Variants in WNT5A observed in about 807,000 individuals in gnomAD.
The protein encoded by WNT5A is Wnt family member 5A.
A neutral mutation model predicts 42.1 loss-of-function variants in WNT5A; 9 were observed. The observed-to-expected ratio is 0.21, with a 90% CI of 0.13 to 0.37. The LOEUF (loss-of-function observed/expected upper bound fraction) is 0.37. Ranked by LOEUF, WNT5A falls within the 10% of genes least tolerant of loss-of-function variation. WNT5A has a pLI of 1.00. For synonymous variants in WNT5A, 210 were observed against 210.0 expected (o/e 1.00, Z 0.00); for missense variants, 426 against 534.0 (o/e 0.80, Z 1.99).
intron 3 of WNT5A, chr3:55,478,900 A>G (rs1487382051): frequency 1.3e-5 from 2 of 154,120 alleles, no homozygotes; most frequent in East Asian, 3.8e-4. Context: ...AAAGACGGCA[A>G]CTTTTAGTTC....
Position 55,483,875 on chromosome 3 carries a change from T to C in WNT5A, c.7-2957A>G, listed in dbSNP as rs1365298400. Among the ~76,000 whole-genome samples, 1 of 152,032 alleles carries C rather than the reference T, an allele frequency of 6.6e-6. No individual in the cohort carries two copies. Among genetic ancestry groups the C allele is most frequent in the Non-Finnish European group, 1.5e-5 (1 of 68,006 alleles). On this transcript the variant is annotated intron_variant, in intron 1 of 4. Coordinates refer to ENST00000264634, the MANE Select transcript of WNT5A (RefSeq NM_003392.7). This position sits in a 1 kb window ranked among gnomAD's most constrained non-coding sequence, Gnocchi z 4.2. The stretch of plus-strand genomic sequence containing the variant: ...GGAGAGGAAACCTCAGTAGCAAAAT[T>C]GTTCAGAGGACGTTCGGAGGGCGCG...
Position 55,483,641 on chromosome 3 carries a change from G to A in WNT5A, c.7-2723C>T, listed in dbSNP as rs1001039130. ...ACTGAGAATCTTCCTCGCGTGCCAC[G>A]GGGAGGAGGACTGGGGGCGTTTGAG... is the stretch of plus-strand genomic sequence containing the variant. On this transcript the variant is annotated intron_variant, in intron 1 of 4. Coordinates refer to ENST00000264634, the MANE Select transcript of WNT5A (RefSeq NM_003392.7). The surrounding 1 kb of genome is among the most constrained non-coding windows in gnomAD (Gnocchi z 4.2). Among the ~76,000 whole-genome samples, 4 of 152,204 alleles carry A rather than the reference G, an allele frequency of 2.6e-5. No individual in the cohort carries two copies. Among genetic ancestry groups the A allele is most frequent in the African/African-American group, 7.2e-5 (3 of 41,450 alleles).
chr3:55,486,285 C>A (rs1310087650), intron 1 of WNT5A, among the ~76,000 whole-genome samples: 1 of 152,224 alleles, frequency 6.6e-6, no homozygotes, highest in Non-Finnish European at 1.5e-5. Context: ...CCCACCACTG[C>A]TGCAAAGTGC....
chr3:55,471,270 G>A (rs1020904381), intron 4 of WNT5A, among the ~76,000 whole-genome samples: 3 of 152,200 alleles, frequency 2.0e-5, no homozygotes, highest in Admixed American at 2.0e-4. Flanking sequence ...GGCCTGCACA[G>A]GTCACACAGC....
In WNT5A at chr3:55,481,313, C is replaced by G. The variant is rs375501319; in HGVS notation, c.7-395G>C. ...CACTCAGGAACCCGCTGCGGCCACC[C>G]TCCGTCCTCTCCCCAACCTGGGCCG... On this transcript the variant is annotated intron_variant, in intron 1 of 4. Coordinates refer to ENST00000264634, the MANE Select transcript of WNT5A (RefSeq NM_003392.7). 361 of 989,398 alleles carry G rather than the reference C, an allele frequency of 3.6e-4. No individual in the cohort carries two copies. The African/African-American group carries it at 5.9e-3, about 16-fold the overall frequency. 61.3% of individuals were successfully genotyped at this position (989,398 alleles called of 1,614,324 possible). A position where few individuals can be genotyped will look rare whatever the true frequency, so the allele number is the denominator to read the frequency against.
rs189529224 is a variant in WNT5A at position 55,467,136 on chromosome 3, A to G, written c.*2956T>C. On this transcript the variant is annotated 3_prime_UTR_variant, in exon 5 of 5. Coordinates refer to ENST00000264634, the MANE Select transcript of WNT5A (RefSeq NM_003392.7). ...TTCAAAGGGCATAGAGACACCACAC[A>G]TGGTCCACAGTAAATTCAAATAGAG... 1 of 152,240 alleles carries G rather than the reference A, an allele frequency of 6.6e-6. No homozygotes were observed. Among genetic ancestry groups the G allele is most frequent in the African/African-American group, 2.4e-5 (1 of 41,466 alleles). 9.4% of individuals were successfully genotyped at this position (152,240 alleles called of 1,614,324 possible).
upstream of WNT5A, among the ~76,000 whole-genome samples, chr3:55,488,790 G>C (rs1419218638): frequency 1.3e-5 from 2 of 152,200 alleles, no homozygotes; most frequent in African/African-American, 2.4e-5. Flanking sequence ...CCCTTGGCTC[G>C]CCCGCGTATC....
chr3:55,478,656 C>T (rs1178984664), intron 3 of WNT5A, among the ~76,000 whole-genome samples: 1 of 151,954 alleles, frequency 6.6e-6, no homozygotes, highest in African/African-American at 2.4e-5. Context: ...AATGAAGAAT[C>T]GGACTGTGAG....
rs1166946287 is a variant in WNT5A at position 55,467,342 on chromosome 3, C to A, written c.*2750G>T. The A allele has an allele frequency of 6.7e-6, 1 of 149,866 alleles. No individual in the cohort carries two copies. Among genetic ancestry groups the A allele is most frequent in the Non-Finnish European group, 1.5e-5 (1 of 67,676 alleles). The allele number at this position is 149,866 out of a possible 1,614,324, so 9.3% of individuals were successfully genotyped here. ...AGAATGTGAGCAATCCTATAACCAG[C>A]TTTAAGCCATCTGCTTGATTTCTTT... On this transcript the variant is annotated 3_prime_UTR_variant, in exon 5 of 5. Coordinates refer to ENST00000264634, the MANE Select transcript of WNT5A (RefSeq NM_003392.7).
At position 55,479,486 on chromosome 3, in the gene WNT5A, T is replaced by C. The variant is rs779236380; in HGVS notation, c.219A>G (p.Ala73=). Reference sequence around the variant, plus strand: ...GTTTCTTCTGTCCTTGAGAAAGTCCTGCCAGTTGGCTGCAGAGAGGCTGTG... The same window carrying C: ...GTTTCTTCTGTCCTTGAGAAAGTCCCGCCAGTTGGCTGCAGAGAGGCTGTG... ...IGAQPLCSQL[A]GLSQGQKKLC... The change falls in exon 3 of 5, where the codon GCA becomes GCG. Residue 73 remains alanine, a synonymous_variant. Coordinates refer to ENST00000264634, the MANE Select transcript of WNT5A (RefSeq NM_003392.7). 1 of 1,614,044 alleles carries C rather than the reference T, an allele frequency of 6.2e-7. No homozygotes were observed. Among genetic ancestry groups the C allele is most frequent in the East Asian group, 2.2e-5 (1 of 44,880 alleles).
chr3:55,486,996 A>T lies in WNT5A; in HGVS notation c.-11T>A. On this transcript the variant is annotated 5_prime_UTR_variant, in exon 1 of 5. Transcript: ENST00000264634. ...AACACCTACCTTCATGGCGAGGGGG[A>T]GGGGGCGCGGGGAGGAAGTCGCCAC... 1 of 1,569,580 alleles carries T rather than the reference A, an allele frequency of 6.4e-7. No homozygotes were observed. The highest frequency in any genetic ancestry group is 8.7e-7 in the Non-Finnish European group (1 of 1,153,980).
intron 1 of WNT5A, among the ~76,000 whole-genome samples, chr3:55,482,984 G>T (rs2051498421): frequency 6.6e-6 from 1 of 152,230 alleles, no homozygotes; most frequent in African/African-American, 2.4e-5. Flanking sequence ...GCCCAGATTG[G>T]TGCTGGCCGC....
chr3:55,476,526 A>C (rs560108627), intron 3 of WNT5A, among the ~76,000 whole-genome samples: 2 of 152,176 alleles, frequency 1.3e-5, no homozygotes, highest in African/African-American at 2.4e-5. Flanking sequence ...GAGGAGATGA[A>C]ATGATCCTCT....
intron 3 of WNT5A, among the ~76,000 whole-genome samples, chr3:55,478,672 CTCT>C (rs1436830278): frequency 2.0e-5 from 3 of 152,036 alleles, no homozygotes; most frequent in Non-Finnish European, 4.4e-5. Flanking sequence ...GTGAGCAATA[CTCT>C]TAATTTTTTT....
chr3:55,471,802 T>C (rs2051257328), intron 4 of WNT5A, among the ~76,000 whole-genome samples: 1 of 152,100 alleles, frequency 6.6e-6, no homozygotes, highest in African/African-American at 2.4e-5. Context: ...GTCCACGTGG[T>C]GTGAGTGTGC....
upstream of WNT5A, among the ~76,000 whole-genome samples, chr3:55,488,518 C>T (rs2107020636): frequency 6.7e-6 from 1 of 149,852 alleles, no homozygotes; most frequent in East Asian, 2.0e-4. Context: ...AAAGAAAAAA[C>T]TCAACTTTGC....
chr3:55,484,327 G>A lies in WNT5A; in HGVS notation c.6+2653C>T, dbSNP rs897413522. On this transcript the variant is annotated intron_variant, in intron 1 of 4. Transcript: ENST00000264634. The stretch of plus-strand genomic sequence containing the variant: ...CCCTGGAGAATGCGGGGAGCGGCGC[G>A]AGGAGCTAAAGAATGGGCCGGCCCA... Among the ~76,000 whole-genome samples, 7 of 152,282 alleles carry A rather than the reference G, an allele frequency of 4.6e-5. No homozygotes were observed. In the South Asian group the frequency reaches 1.2e-3, roughly 27 times the overall value.
upstream of WNT5A, among the ~76,000 whole-genome samples, chr3:55,493,039 G>A (rs1193791370): frequency 2.0e-5 from 3 of 152,176 alleles, no homozygotes; most frequent in Non-Finnish European, 2.9e-5. Context: ...TGGCTTTGAC[G>A]TCTCTGCTTT....
chr3:55,483,902 G>A lies in WNT5A; in HGVS notation c.7-2984C>T, dbSNP rs2051517905. Among the ~76,000 whole-genome samples the A allele has an allele frequency of 6.6e-6, 1 of 152,076 alleles. No homozygotes were observed. On this transcript the variant is annotated intron_variant, in intron 1 of 4. Coordinates refer to ENST00000264634, the MANE Select transcript of WNT5A (RefSeq NM_003392.7). This position sits in a 1 kb window ranked among gnomAD's most constrained non-coding sequence, Gnocchi z 4.2. The stretch of plus-strand genomic sequence containing the variant: ...TTCAGAGGACGTTCGGAGGGCGCGG[G>A]GAGCAGCCGGATGCACACCTAAAGT...
Sources: allele counts gnomAD v4.1 joint callset (sites outside exome capture counted in the v4.1 genomes callset), GRCh38; gene constraint gnomAD v4.1.1; non-coding constraint Gnocchi (gnomAD v3.1); transcripts MANE v1.5; gene names NCBI Gene and HGNC (gene_info 2026-07-23, HGNC 2026-07-21).